RSRC1: variants seen among roughly 807,000 people sequenced by gnomAD.
The protein encoded by RSRC1 is arginine and serine rich coiled-coil 1.
Under a neutral mutation model 49.1 loss-of-function variants are expected in RSRC1, and 39 were observed. The ratio of observed to expected loss-of-function variants is 0.79; its 90% confidence interval spans 0.61 to 1.04. RSRC1 has a LOEUF of 1.04. RSRC1 is among the 50% of genes least tolerant of loss of function. The pLI is 0.00. For missense variants in RSRC1, 388 were observed against 402.4 expected (o/e 0.96, Z 0.31); for synonymous variants, 143 against 130.8 (o/e 1.09, Z -0.63).
intron 7 of RSRC1, among the ~76,000 whole-genome samples, chr3:158,518,849 TTTC>T (rs1463076713): frequency 4.6e-5 from 7 of 152,116 alleles, no homozygotes; most frequent in African/African-American, 1.7e-4. Context: ...TCTGTCTCCT[TTTC>T]TTCTTCTTGA....
chr3:158,327,232 C>T (rs1729214547), intron 5 of RSRC1, among the ~76,000 whole-genome samples: 1 of 152,092 alleles, frequency 6.6e-6, no homozygotes, highest in Non-Finnish European at 1.5e-5. Context: ...TCTCTATCTC[C>T]TTCAGTTCTT....
chr3:158,434,809 A>G (rs977610804), intron 6 of RSRC1, among the ~76,000 whole-genome samples: 3 of 151,984 alleles, frequency 2.0e-5, no homozygotes, highest in Non-Finnish European at 4.4e-5. Context: ...ATGAATACTT[A>G]TGCTCAATTC....
intron 1 of RSRC1, among the ~76,000 whole-genome samples, chr3:158,119,306 G>A (rs1168647445): frequency 6.6e-6 from 1 of 152,278 alleles, no homozygotes; most frequent in East Asian, 1.9e-4. Flanking sequence ...CTGATAATAA[G>A]TTTTCTTAGC....
chr3:158,156,033 A>C (rs941733276), intron 3 of RSRC1, among the ~76,000 whole-genome samples: 5 of 152,168 alleles, frequency 3.3e-5, no homozygotes, highest in Admixed American at 3.3e-4. Flanking sequence ...CTCTACCTAT[A>C]AGACCCAGAT....
chr3:158,337,451 G>T (rs1385459040), intron 5 of RSRC1, among the ~76,000 whole-genome samples: 1 of 152,180 alleles, frequency 6.6e-6, no homozygotes, highest in African/African-American at 2.4e-5. Flanking sequence ...CTGTGTGGGC[G>T]CATGGCCCTT....
rs535789919 is a variant in RSRC1, at chr3:158,257,037, A to AT, written c.495-40994dup. ...AAAAAACCAGCTCCTGGTTTCATTGATTTTTTTTGAAGGGTTTTTTGTGTC... is the reference window on the plus strand; with the variant it reads ...AAAAAACCAGCTCCTGGTTTCATTGATTTTTTTTTGAAGGGTTTTTTGTGTC... On this transcript the variant is annotated intron_variant, in intron 4 of 9. Transcript: ENST00000611884. Among the ~76,000 whole-genome samples the AT allele has an allele frequency of 3.1e-4, 47 of 151,702 alleles. No individual in the cohort carries two copies. In the East Asian group the frequency reaches 5.8e-3, roughly 19 times the overall value.
intron 4 of RSRC1, among the ~76,000 whole-genome samples, chr3:158,268,519 A>C (rs961576081): frequency 2.6e-5 from 4 of 152,230 alleles, no homozygotes; most frequent in African/African-American, 9.6e-5. Flanking sequence ...GTCTTCTACT[A>C]TTGTGTTTCT....
At chr3:158,448,495 GC>G (rs1560047280) in intron 6 of RSRC1, among the ~76,000 whole-genome samples, 1 of 151,688 alleles carries the variant, frequency 6.6e-6, no homozygotes, top group Non-Finnish European at 1.5e-5. Flanking sequence ...AAGACCTTAC[GC>G]ATTTAAAAAA....
At chr3:158,181,084 G>A (rs1000776243) in intron 3 of RSRC1, among the ~76,000 whole-genome samples, 1 of 152,126 alleles carries the variant, frequency 6.6e-6, no homozygotes. Flanking sequence ...GATTACAGGC[G>A]TGAGCCACCG....
intron 5 of RSRC1, among the ~76,000 whole-genome samples, chr3:158,349,243 T>C (rs75253119): frequency 6.6e-6 from 1 of 152,320 alleles, no homozygotes; most frequent in South Asian, 2.1e-4. Flanking sequence ...CTGTTGTTTT[T>C]TTAACTTTTT....
At chr3:158,499,686 G>A (rs546220721) in intron 7 of RSRC1, among the ~76,000 whole-genome samples, 10 of 152,172 alleles carry the variant, frequency 6.6e-5, no homozygotes, top group East Asian at 5.8e-4. Flanking sequence ...CCAGTTGGTC[G>A]CTGTTAGTGT....
At chr3:158,460,351 G>A (rs1317574850) in intron 6 of RSRC1, among the ~76,000 whole-genome samples, 1 of 151,802 alleles carries the variant, frequency 6.6e-6, no homozygotes. Flanking sequence ...CTCAACATCT[G>A]TAGTAAAGTG....
At chr3:158,517,599 T>G (rs1443899668) in intron 7 of RSRC1, among the ~76,000 whole-genome samples, 1 of 148,690 alleles carries the variant, frequency 6.7e-6, no homozygotes, top group African/African-American at 2.5e-5. Flanking sequence ...TGTTAGACTT[T>G]TTTTTTTTTT....
At chr3:158,202,477 G>T (rs827803) in intron 3 of RSRC1, among the ~76,000 whole-genome samples, 84,231 of 146,364 alleles carry the variant, frequency 0.58, 24,577 homozygotes, top group East Asian at 0.73. Context: ...CATGTAAGTG[G>T]ATCCATGCGG....
chr3:158,254,472 C>T (rs912853547), intron 4 of RSRC1, among the ~76,000 whole-genome samples: 5 of 152,114 alleles, frequency 3.3e-5, no homozygotes, highest in African/African-American at 1.2e-4. Flanking sequence ...CGCTCTGTCG[C>T]TCAGGCTGGA....
intron 3 of RSRC1, among the ~76,000 whole-genome samples, chr3:158,135,694 C>T (rs1185293784): frequency 1.3e-5 from 2 of 151,952 alleles, no homozygotes; most frequent in African/African-American, 4.8e-5. Flanking sequence ...TCCTTTATTT[C>T]AGTGGTTTAG....
chr3:158,308,976 A>C (rs571784846), intron 5 of RSRC1, among the ~76,000 whole-genome samples: 12 of 151,920 alleles, frequency 7.9e-5, no homozygotes, highest in Non-Finnish European at 1.8e-4. Context: ...AGCTTCATGC[A>C]CAATTGTCAG....
In RSRC1 at chr3:158,473,461, A is replaced by G. The variant is rs191737268; in HGVS notation, c.652+12458A>G. 2.9e-3 allele frequency among the ~76,000 whole-genome samples: 438 copies of G among 152,262 alleles called. 1 individual carries two copies. The highest frequency in any genetic ancestry group is 4.6e-3 in the Non-Finnish European group (311 of 68,026). On this transcript the variant is annotated intron_variant, in intron 7 of 9. Coordinates refer to ENST00000611884, the MANE Select transcript of RSRC1 (RefSeq NM_001271838.2). The stretch of plus-strand genomic sequence containing the variant: ...TCTTACTCATAGGTGGGAATTGAAC[A>G]ATGAGAACACTTGGACACAGGAAGG...
intron 6 of RSRC1, among the ~76,000 whole-genome samples, chr3:158,379,834 A>ACACACACACACC (rs1168711024): frequency 1.3e-5 from 2 of 150,112 alleles, no homozygotes. Flanking sequence ...ACACACACAC[A>ACACACACACACC]CACCCTCCCT....
Sources: gnomAD v4.1 joint callset for allele counts (sites outside exome capture counted in the v4.1 genomes callset) on GRCh38, gnomAD v4.1.1 for gene constraint, MANE v1.5 for transcripts, NCBI Gene and HGNC (gene_info 2026-07-23, HGNC 2026-07-21) for gene names.